L1TD1: variants seen among roughly 807,000 people sequenced by gnomAD.
L1TD1 encodes the protein LINE1 type transposase domain containing 1.
L1TD1 carries 26 observed loss-of-function variants against 25.7 expected under a neutral mutation model. The ratio of observed to expected loss-of-function variants is 1.01; its 90% CI spans 0.74 to 1.40. L1TD1 has a LOEUF of 1.40. Among genes scored for constraint, L1TD1 ranks in the 40% most tolerant of loss-of-function variants. The pLI is 0.00. For synonymous variants in L1TD1, 421 were observed against 335.6 expected, an observed-to-expected ratio of 1.25 and a Z score of -2.78; for missense variants, 1,130 against 975.0, an observed-to-expected ratio of 1.16 and a Z score of -2.12.
Position 62,207,381 on chromosome 1 carries a change from A to C in L1TD1, c.753A>C (p.Ser251=). Residue 251 remains serine (S), a synonymous_variant, in exon 3 of 4, where the codon TCA becomes TCC. Transcript: ENST00000498273. ...TTACCCTGGTAGCCGACCTTTCATC[A>C]GCAACACTGGATATTAGTAAGCAAT... ...AVLTLVADLS[S]ATLDISKQWS... 6.4e-7 allele frequency: 1 copy of C among 1,551,662 alleles called. No individual in the cohort carries two copies. Among genetic ancestry groups the C allele is most frequent in the East Asian group, 2.4e-5 (1 of 40,914 alleles).
intron 2 of L1TD1, among the ~76,000 whole-genome samples, chr1:62,203,860 C>T (rs1670687731): frequency 6.6e-6 from 1 of 152,076 alleles, no homozygotes; most frequent in Non-Finnish European, 1.5e-5. Flanking sequence ...GTTGGGATTA[C>T]AGGTGTAAGC....
In L1TD1 at chr1:62,205,435, A is replaced by ATTT. The variant is rs1220640977; in HGVS notation, c.-110-1083_-110-1082insTTT. On this transcript the variant is annotated intron_variant, in intron 2 of 3. Coordinates refer to ENST00000498273, the MANE Select transcript of L1TD1 (RefSeq NM_019079.5). ...TCTCTCTCTATATATATATATATATATATATATATTTTTTTTTAGACAGTC... is the reference window on the plus strand; with the variant it reads ...TCTCTCTCTATATATATATATATATATTTTATATATATTTTTTTTTAGACAGTC... Among the ~76,000 whole-genome samples, 141 of 36,032 alleles carry ATTT rather than the reference A, an allele frequency of 3.9e-3. 8 individuals are homozygous for ATTT. The highest frequency in any genetic ancestry group is 0.013 in the African/African-American group (130 of 9,872). 23.6% of individuals were successfully genotyped at this position (36,032 alleles called of 152,430 possible).
Position 62,211,279 on chromosome 1 carries a change from T to TA in L1TD1, c.2509dup (p.Thr837AsnfsTer6). ...CCAAAATGGCATTTGATTTTAGGGG[T>TA]AAAACAAAGGTATTTCTTAGTATTG... On this transcript the variant is annotated frameshift_variant, in exon 4 of 4. Coordinates refer to ENST00000498273, the MANE Select transcript of L1TD1 (RefSeq NM_019079.5). LOFTEE classifies it low-confidence loss of function (END_TRUNC). 1 of 1,611,922 alleles carries TA rather than the reference T, an allele frequency of 6.2e-7. No homozygotes were observed. The highest frequency in any genetic ancestry group is 8.5e-7 in the Non-Finnish European group (1 of 1,178,748).
At chr1:62,208,174 A>G (rs11805853) in intron 3 of L1TD1, 22,104 of 152,856 alleles carry the variant, frequency 0.14, 2,146 homozygotes, top group African/African-American at 0.26. Flanking sequence ...CCAAGACGGC[A>G]CTCAGCTCCT....
chr1:62,209,634 C>A lies in L1TD1; in HGVS notation c.1009-149C>A, dbSNP rs1248992846. The A allele has an allele frequency of 2.7e-5, 19 of 715,378 alleles. No homozygotes were observed. In the East Asian group the frequency reaches 4.6e-4, roughly 17 times the overall value. The allele number at this position is 715,378 out of a possible 1,614,324, so 44.3% of individuals were successfully genotyped here. ...TGACTTGTTTGGGGACCTAGGCCTT[C>A]AAGAACAATTAATATTTAAGCACTT... On this transcript the variant is annotated intron_variant, in intron 3 of 3. Coordinates refer to ENST00000498273, the MANE Select transcript of L1TD1 (RefSeq NM_019079.5).
In L1TD1 at chr1:62,206,944, A is replaced by G. The variant is rs761368466; in HGVS notation, c.316A>G (p.Ile106Val). Residue 106 changes from isoleucine to valine, a missense_variant, in exon 3 of 4, where the codon ATC (isoleucine) becomes GTC (valine). Ile to Val is a conservative substitution (Grantham distance 29). Transcript: ENST00000498273. ...TAGTAGGACAGAGTTTCAGCAAATA[A>G]TCAATTTAGCATTACAAAAAACAGG... ...SSSRTEFQQI[I>V]NLALQKTGMV... 2.5e-6 allele frequency: 4 copies of G among 1,613,922 alleles called. No individual in the cohort carries two copies. The highest frequency in any genetic ancestry group is 1.1e-5 in the South Asian group (1 of 91,042).
chr1:62,205,435 A>ATTTTTTTTT (rs1220640977), intron 2 of L1TD1, among the ~76,000 whole-genome samples: 15 of 36,040 alleles, frequency 4.2e-4, no homozygotes, highest in Non-Finnish European at 5.4e-4. Context: ...ATATATATAT[A>ATTTTTTTTT]TATATATATT....
At chr1:62,204,171 A>G (rs12740886) in intron 2 of L1TD1, among the ~76,000 whole-genome samples, 50,397 of 151,970 alleles carry the variant, frequency 0.33, 9,348 homozygotes, top group Non-Finnish European at 0.43. Context: ...TATTCATAGT[A>G]TTCCTTATTT....
At position 62,205,441 on chromosome 1, in the gene L1TD1, A is replaced by ATT. The variant is rs1447667211; in HGVS notation, c.-110-1077_-110-1076insTT. ...TCTATATATATATATATATATATATATATTTTTTTTTAGACAGTCTTGCTG... is the reference window on the plus strand; with the variant it reads ...TCTATATATATATATATATATATATATTTATTTTTTTTTAGACAGTCTTGCTG... On this transcript the variant is annotated intron_variant, in intron 2 of 3. Transcript: ENST00000498273. Among the ~76,000 whole-genome samples, 84 of 53,870 alleles carry ATT rather than the reference A, an allele frequency of 1.6e-3. 19 individuals are homozygous for ATT. The highest frequency in any genetic ancestry group is 4.9e-3 in the South Asian group (7 of 1,430). The allele number at this position is 53,870 out of a possible 152,430, so 35.3% of individuals were successfully genotyped here.
chr1:62,201,092 C>T (rs530634402), intron 2 of L1TD1, among the ~76,000 whole-genome samples: 13 of 152,062 alleles, frequency 8.5e-5, no homozygotes, highest in South Asian at 2.1e-4. Context: ...TCATGCCCAG[C>T]TAATTTTTGT....
intron 2 of L1TD1, among the ~76,000 whole-genome samples, chr1:62,205,708 G>A (rs369522027): frequency 2.6e-5 from 4 of 151,860 alleles, no homozygotes; most frequent in Admixed American, 1.3e-4. Context: ...TGGGATTACA[G>A]GCGTGAGCCA....
intron 3 of L1TD1, among the ~76,000 whole-genome samples, chr1:62,209,289 C>CTT (rs376933477): frequency 0.15 from 20,162 of 131,718 alleles, 1,563 homozygotes; most frequent in Non-Finnish European, 0.17. Flanking sequence ...CAATTGGGGT[C>CTT]TTTTTTTTTT....
At chr1:62,195,453 T>C (rs1030403043) in intron 1 of L1TD1, among the ~76,000 whole-genome samples, 2 of 152,246 alleles carry the variant, frequency 1.3e-5, no homozygotes, top group African/African-American at 4.8e-5. Context: ...AAGTCCTAGC[T>C]TTAGAAAAAG....
intron 3 of L1TD1, among the ~76,000 whole-genome samples, chr1:62,209,199 G>A (rs1009126527): frequency 1.3e-5 from 2 of 151,854 alleles, no homozygotes; most frequent in Admixed American, 6.6e-5. Context: ...GCCAGGGTTT[G>A]AATAGTTTTG....
chr1:62,195,377 A>C (rs1484244803), intron 1 of L1TD1, among the ~76,000 whole-genome samples: 2 of 152,234 alleles, frequency 1.3e-5, no homozygotes, highest in Non-Finnish European at 2.9e-5. Context: ...TCTATCCCCA[A>C]ATTGGAAACA....
chr1:62,202,529 TTTTTTC>T (rs1670659633), intron 2 of L1TD1, among the ~76,000 whole-genome samples: 1 of 140,314 alleles, frequency 7.1e-6, no homozygotes, highest in African/African-American at 2.7e-5. Context: ...ACTATCATGC[TTTTTTC>T]TTTTTCTTTT....
In L1TD1 at chr1:62,210,001, G is replaced by T. The variant is rs200789118; in HGVS notation, c.1227G>T (p.Glu409Asp). The part of the protein sequence containing the change: ...DTSGLEEEEE[E>D]PSGLEEEEEE... ...CAGGGCTGGAGGAGGAGGAGGAAGA[G>T]CCCTCAGGGCTGGAGGAGGAAGAAG... The change falls in exon 4 of 4, where the codon GAG becomes GAT. Residue 409 changes from glutamate to aspartate, a missense_variant. Coordinates refer to ENST00000498273, the MANE Select transcript of L1TD1 (RefSeq NM_019079.5). 3.4e-6 allele frequency: 5 copies of T among 1,468,604 alleles called. No individual in the cohort carries two copies. In the South Asian group the frequency reaches 5.7e-5, roughly 17 times the overall value. The allele number at this position is 1,468,604 out of a possible 1,614,324, so 91.0% of individuals were successfully genotyped here. A position where few individuals can be genotyped will look rare whatever the true frequency, so the allele number is the denominator to read the frequency against.
Position 62,209,965 on chromosome 1 carries a change from T to C in L1TD1, c.1191T>C (p.Asp397=). ...AAGAGGCCTCAGGGATGGAGGATGA[T>C]GAAGATACCTCAGGGCTGGAGGAGG... ...LDEEASGMED[D]EDTSGLEEEE... Residue 397 remains aspartate, a synonymous_variant, in exon 4 of 4, where the codon GAT becomes GAC. Transcript: ENST00000498273. 1.2e-6 allele frequency: 2 copies of C among 1,610,692 alleles called. No individual in the cohort carries two copies. The highest frequency in any genetic ancestry group is 1.7e-6 in the Non-Finnish European group (2 of 1,178,374).
chr1:62,208,481 C>CTTTTTTTTTTTTTT (rs60188410), intron 3 of L1TD1: 1 of 127,016 alleles, frequency 7.9e-6, no homozygotes, highest in African/African-American at 3.1e-5. Flanking sequence ...CTGGAAGGGG[C>CTTTTTTTTTTTTTT]TTTTTTTTTT....
Sources: gnomAD v4.1 joint callset for allele counts (sites outside exome capture counted in the v4.1 genomes callset) on GRCh38, gnomAD v4.1.1 for gene constraint, MANE v1.5 for transcripts, NCBI Gene and HGNC (gene_info 2026-07-23, HGNC 2026-07-21) for gene names.